Variants in ZNF804B observed in about 807,000 individuals in gnomAD.
ZNF804B encodes zinc finger 804B.
In ZNF804B, 80 loss-of-function variants were observed where a neutral mutation model predicts 101.4. That is an observed-to-expected ratio of 0.79 (90% confidence interval 0.66 to 0.95). The LOEUF is 0.95. ZNF804B is among the 40% of genes least tolerant of loss of function. The pLI is 0.00. For missense variants in ZNF804B, 1,673 were observed against 1,561.9 expected, an observed-to-expected ratio of 1.07 and a Z score of -1.20; for synonymous variants, 622 against 558.8, an observed-to-expected ratio of 1.11 and a Z score of -1.59.
At chr7:89,063,411 C>T (rs148311619) in intron 1 of ZNF804B, among the ~76,000 whole-genome samples, 92 of 152,166 alleles carry the variant, frequency 6.0e-4, no homozygotes, top group African/African-American at 2.0e-3. Flanking sequence ...AAAATAGGAA[C>T]CTAGCTCAAA....
chr7:88,948,161 C>T (rs1239606565), intron 1 of ZNF804B, among the ~76,000 whole-genome samples: 2 of 151,714 alleles, frequency 1.3e-5, no homozygotes, highest in Non-Finnish European at 2.9e-5. Context: ...AGAGACCCCA[C>T]CAGGATGGGA....
At chr7:88,771,923 C>T (rs1790071359) in intron 1 of ZNF804B, among the ~76,000 whole-genome samples, 1 of 152,046 alleles carries the variant, frequency 6.6e-6, no homozygotes, top group South Asian at 2.1e-4. Context: ...GTAGCTTGGA[C>T]TTCTCACAAA....
chr7:89,206,205 T>C (rs945864687), intron 1 of ZNF804B, among the ~76,000 whole-genome samples: 6 of 152,218 alleles, frequency 3.9e-5, no homozygotes, highest in African/African-American at 1.4e-4. Context: ...CTCCTAGGTC[T>C]TTGGGCCTGT....
chr7:89,213,210 G>C (rs1788831424), intron 1 of ZNF804B, among the ~76,000 whole-genome samples: 1 of 152,150 alleles, frequency 6.6e-6, no homozygotes, highest in South Asian at 2.1e-4. Context: ...GCAGAAAGAT[G>C]ATGGATGCCA....
chr7:88,807,440 G>A (rs4728778), intron 1 of ZNF804B, among the ~76,000 whole-genome samples: 8,974 of 152,254 alleles, frequency 0.059, 444 homozygotes, highest in East Asian at 0.27. Context: ...ATTAAATCTT[G>A]AATGCTTTGT....
At chr7:89,002,920 C>T (rs571941359) in intron 1 of ZNF804B, among the ~76,000 whole-genome samples, 2 of 151,934 alleles carry the variant, frequency 1.3e-5, no homozygotes, top group Non-Finnish European at 2.9e-5. Context: ...GAGAAGTAAA[C>T]TCAATTCTTG....
intron 1 of ZNF804B, among the ~76,000 whole-genome samples, chr7:88,947,846 A>G (rs1239618407): frequency 6.6e-6 from 1 of 151,916 alleles, no homozygotes; most frequent in African/African-American, 2.4e-5. Flanking sequence ...GCCATTTCAC[A>G]TAAGCAACTT....
At chr7:88,843,185 A>G (rs1280052467) in intron 1 of ZNF804B, among the ~76,000 whole-genome samples, 2 of 152,088 alleles carry the variant, frequency 1.3e-5, no homozygotes, top group Non-Finnish European at 2.9e-5. Flanking sequence ...TGGTACCCCT[A>G]TTTACAACAG....
chr7:89,168,683 T>TC (rs1491412359), intron 1 of ZNF804B, among the ~76,000 whole-genome samples: 2 of 37,386 alleles, frequency 5.3e-5, no homozygotes, highest in African/African-American at 2.9e-4. Flanking sequence ...AGCTGAATAC[T>TC]TTTTTTTTTT....
At chr7:88,930,829 C>A (rs1331200439) in intron 1 of ZNF804B, among the ~76,000 whole-genome samples, 1 of 151,774 alleles carries the variant, frequency 6.6e-6, no homozygotes, top group African/African-American at 2.4e-5. Flanking sequence ...TGCAGGCGTT[C>A]CTTTATTTTA....
intron 1 of ZNF804B, among the ~76,000 whole-genome samples, chr7:88,972,774 T>C (rs1793556566): frequency 6.6e-6 from 1 of 150,378 alleles, no homozygotes; most frequent in Non-Finnish European, 1.5e-5. Flanking sequence ...CTCCAAGGGT[T>C]CCATAATTCT....
At chr7:89,124,992 G>A (rs79083762) in intron 1 of ZNF804B, among the ~76,000 whole-genome samples, 2,934 of 149,958 alleles carry the variant, frequency 0.02, 97 homozygotes, top group African/African-American at 0.068. Flanking sequence ...GTGATTGACC[G>A]TCACTCTCCT....
chr7:89,297,131 C>A (rs1790396172), intron 2 of ZNF804B, among the ~76,000 whole-genome samples: 2 of 152,018 alleles, frequency 1.3e-5, no homozygotes, highest in African/African-American at 4.8e-5. Context: ...TTCTGCCTGA[C>A]CAGGTCACAA....
intron 1 of ZNF804B, among the ~76,000 whole-genome samples, chr7:89,054,108 T>A (rs923020596): frequency 1.3e-5 from 2 of 151,926 alleles, no homozygotes; most frequent in Non-Finnish European, 2.9e-5. Flanking sequence ...CTAAGCCTGA[T>A]CTCCTTGGAG....
At chr7:88,954,902 C>T (rs796790847) in intron 1 of ZNF804B, among the ~76,000 whole-genome samples, 33 of 151,634 alleles carry the variant, frequency 2.2e-4, no homozygotes, top group African/African-American at 8.0e-4. Context: ...TTACGTGAGT[C>T]TGACAGGAAT....
At chr7:88,986,817 C>T (rs1483476612) in intron 1 of ZNF804B, among the ~76,000 whole-genome samples, 1 of 152,110 alleles carries the variant, frequency 6.6e-6, no homozygotes, top group African/African-American at 2.4e-5. Flanking sequence ...TCCCAGGCCT[C>T]TTCCATCCTA....
intron 1 of ZNF804B, among the ~76,000 whole-genome samples, chr7:88,997,404 G>A (rs1055415144): frequency 1.3e-5 from 2 of 151,992 alleles, no homozygotes; most frequent in Non-Finnish European, 2.9e-5. Flanking sequence ...CTGAAGACAT[G>A]GAGTTTTATT....
At chr7:88,951,844 A>G (rs1793228959) in intron 1 of ZNF804B, among the ~76,000 whole-genome samples, 1 of 151,864 alleles carries the variant, frequency 6.6e-6, no homozygotes, top group African/African-American at 2.4e-5. Flanking sequence ...CTAAAAGGAT[A>G]AGTTTTTCTT....
At chr7:88,925,896 T>C (rs921000079) in intron 1 of ZNF804B, among the ~76,000 whole-genome samples, 1 of 152,146 alleles carries the variant, frequency 6.6e-6, no homozygotes, top group Non-Finnish European at 1.5e-5. Flanking sequence ...AAAGTTATGA[T>C]GCTAGGTGAT....
Sources: gnomAD v4.1 joint callset for allele counts (sites outside exome capture counted in the v4.1 genomes callset) on GRCh38, gnomAD v4.1.1 for gene constraint, MANE v1.5 for transcripts, NCBI Gene and HGNC (gene_info 2026-07-23, HGNC 2026-07-21) for gene names.